KIRREL3: variants seen among roughly 807,000 people sequenced by gnomAD.
KIRREL3 encodes kin of IRRE-like protein 3.
KIRREL3 carries 36 observed loss-of-function variants against 89.7 expected under a neutral mutation model. The ratio of observed to expected loss-of-function variants is 0.40; its 90% confidence interval spans 0.31 to 0.53. The LOEUF (loss-of-function observed/expected upper bound fraction) is 0.53, where lower values mean the gene tolerates loss of function less well. KIRREL3 is among the 20% of genes least tolerant of loss of function. The pLI is 0.49. For synonymous variants in KIRREL3, 445 were observed against 441.4 expected (o/e 1.01, Z -0.10); for missense variants, 864 against 1,056.6 (o/e 0.82, Z 2.53).
chr11:126,551,572 A>G lies in KIRREL3; in HGVS notation c.133+11263T>C, dbSNP rs1939264455. On this transcript the variant is annotated intron_variant, in intron 2 of 16. Coordinates refer to ENST00000525144, the MANE Select transcript of KIRREL3 (RefSeq NM_032531.4). This position sits in a 1 kb window ranked among gnomAD's most constrained non-coding sequence, Gnocchi z 4.9. ...CACTGATCCCTTACAGCAAAAGAAT[A>G]TATATGATCATTTAACAATTAGTCC... is the stretch of plus-strand genomic sequence containing the variant. Among the ~76,000 whole-genome samples the G allele has an allele frequency of 6.6e-6, 1 of 151,878 alleles. No individual in the cohort carries two copies. The highest frequency in any genetic ancestry group is 2.1e-4 in the South Asian group (1 of 4,814).
chr11:126,483,116 T>C (rs1957265819), intron 4 of KIRREL3, among the ~76,000 whole-genome samples: 1 of 152,196 alleles, frequency 6.6e-6, no homozygotes, highest in Admixed American at 6.5e-5. Context: ...TCCAGAGGGA[T>C]CCTGCCCTAT....
Position 126,932,360 on chromosome 11 carries a change from G to A in KIRREL3, c.55+68095C>T, listed in dbSNP as rs116577894. On this transcript the variant is annotated intron_variant, in intron 1 of 16. Transcript: ENST00000525144. ...GTGTCTTTACGGAGGTTTTCGGCCC[G>A]CACAGAAAGGGCAAAGCTCAATGCA... Among the ~76,000 whole-genome samples, 518 of 152,020 alleles carry A rather than the reference G, an allele frequency of 3.4e-3. 2 individuals are homozygous for A. The highest frequency in any genetic ancestry group is 8.4e-3 in the African/African-American group (349 of 41,466).
intron 1 of KIRREL3, among the ~76,000 whole-genome samples, chr11:126,829,403 G>C (rs1352126327): frequency 2.0e-5 from 3 of 152,204 alleles, no homozygotes; most frequent in Admixed American, 6.5e-5. Flanking sequence ...ATCAATCCTA[G>C]TTGGTTAAAA....
chr11:126,522,314 T>C lies in KIRREL3; in HGVS notation c.284-850A>G, dbSNP rs2134432784. Reference sequence around the variant, plus strand: ...AGAGAGAAGGAAGGAAAAAGAGAAATGTTTGGAAAAGGATCAAGAGTGACT... The same window carrying C: ...AGAGAGAAGGAAGGAAAAAGAGAAACGTTTGGAAAAGGATCAAGAGTGACT... On this transcript the variant is annotated intron_variant, in intron 3 of 16. Transcript: ENST00000525144. The surrounding 1 kb of genome is among the most constrained non-coding windows in gnomAD (Gnocchi z 6.0). 6.6e-6 allele frequency among the ~76,000 whole-genome samples: 1 copy of C among 152,040 alleles called. No individual in the cohort carries two copies. The highest frequency in any genetic ancestry group is 1.5e-5 in the Non-Finnish European group (1 of 67,986).
chr11:126,851,306 AG>A (rs1944331715), intron 1 of KIRREL3, among the ~76,000 whole-genome samples: 1 of 152,238 alleles, frequency 6.6e-6, no homozygotes, highest in Non-Finnish European at 1.5e-5. Flanking sequence ...ACCAGAGGTC[AG>A]AGCATCACTT....
Position 126,977,189 on chromosome 11 carries a change from G to T in KIRREL3, c.55+23266C>A, listed in dbSNP as rs150189605. Among the ~76,000 whole-genome samples the T allele has an allele frequency of 2.4e-3, 365 of 151,902 alleles. 1 individual carries two copies. Among genetic ancestry groups the T allele is most frequent in the African/African-American group, 8.5e-3 (352 of 41,418 alleles). The stretch of plus-strand genomic sequence containing the variant: ...TGTTACAGGCTCCTGCACCTCTTTT[G>T]TCCTCTTCTTCTGCCAGGTGCCCCG... On this transcript the variant is annotated intron_variant, in intron 1 of 16. Coordinates refer to ENST00000525144, the MANE Select transcript of KIRREL3 (RefSeq NM_032531.4). The surrounding 1 kb of genome is among the most constrained non-coding windows in gnomAD (Gnocchi z 4.7).
rs745777812 is a variant in KIRREL3 at position 126,496,734 on chromosome 11, G to T, written c.434-23268C>A. Reference sequence around the variant, plus strand: ...CAGAAGCGCTCAGAAATGTTGGAGGGCCTGCGTGCGAACTCAAGGCCTGAG... The same window carrying T: ...CAGAAGCGCTCAGAAATGTTGGAGGTCCTGCGTGCGAACTCAAGGCCTGAG... On this transcript the variant is annotated intron_variant, in intron 4 of 16. Transcript: ENST00000525144. The surrounding 1 kb of genome is among the most constrained non-coding windows in gnomAD (Gnocchi z 4.9). 6.6e-5 allele frequency among the ~76,000 whole-genome samples: 10 copies of T among 152,068 alleles called. No homozygotes were observed. Among genetic ancestry groups the T allele is most frequent in the Non-Finnish European group, 1.3e-4 (9 of 68,018 alleles).
intron 1 of KIRREL3, among the ~76,000 whole-genome samples, chr11:126,692,888 C>T (rs1266816825): frequency 6.6e-6 from 1 of 152,216 alleles, no homozygotes; most frequent in Admixed American, 6.5e-5. Flanking sequence ...GCAGCTCTTC[C>T]CACCAACAGG....
chr11:126,994,981 C>T lies in KIRREL3; in HGVS notation c.55+5474G>A, dbSNP rs746795391. The stretch of plus-strand genomic sequence containing the variant: ...ACTTTCTCTTGGGAAAAGAAAATGA[C>T]ATGCAATGACGTATGGAACAGTACT... On this transcript the variant is annotated intron_variant, in intron 1 of 16. Transcript: ENST00000525144. This position sits in a 1 kb window ranked among gnomAD's most constrained non-coding sequence, Gnocchi z 5.2. The T allele has an allele frequency of 5.8e-6, 2 of 343,810 alleles. No individual in the cohort carries two copies. Among genetic ancestry groups the T allele is most frequent in the Non-Finnish European group, 1.1e-5 (2 of 174,432 alleles). 21.3% of individuals were successfully genotyped at this position (343,810 alleles called of 1,614,324 possible). A position where few individuals can be genotyped will look rare whatever the true frequency, so the allele number is the denominator to read the frequency against.
At position 126,994,504 on chromosome 11, in the gene KIRREL3, A is replaced by C. The variant is rs1458332231; in HGVS notation, c.55+5951T>G. ...AGTGGTGTTGACTGTGTACGCACTG[A>C]AACATTGTATGCTTATGGAAGACAT... On this transcript the variant is annotated intron_variant, in intron 1 of 16. Coordinates refer to ENST00000525144, the MANE Select transcript of KIRREL3 (RefSeq NM_032531.4). This position sits in a 1 kb window ranked among gnomAD's most constrained non-coding sequence, Gnocchi z 5.2. Among the ~76,000 whole-genome samples, 1 of 152,228 alleles carries C rather than the reference A, an allele frequency of 6.6e-6. No homozygotes were observed. Among genetic ancestry groups the C allele is most frequent in the Non-Finnish European group, 1.5e-5 (1 of 68,040 alleles).
At chr11:126,438,104 C>T (rs537991780) in intron 11 of KIRREL3, among the ~76,000 whole-genome samples, 21 of 152,366 alleles carry the variant, frequency 1.4e-4, no homozygotes, top group Admixed American at 1.1e-3. Context: ...AAGTGGGTGC[C>T]CTGTTGGCCT....
intron 1 of KIRREL3, among the ~76,000 whole-genome samples, chr11:126,832,084 T>C (rs1451922479): frequency 6.6e-6 from 1 of 152,206 alleles, no homozygotes; most frequent in East Asian, 1.9e-4. Context: ...ATTTCTGCCT[T>C]TACACTTTTA....
At position 126,477,224 on chromosome 11, in the gene KIRREL3, C is replaced by T. The variant is rs981390417; in HGVS notation, c.434-3758G>A. ...AAACACATCATCGCGGGATGCTGAGCTCTTTACAGTTTACTCTCCCATTGG... is the reference window on the plus strand; with the variant it reads ...AAACACATCATCGCGGGATGCTGAGTTCTTTACAGTTTACTCTCCCATTGG... On this transcript the variant is annotated intron_variant, in intron 4 of 16. Coordinates refer to ENST00000525144, the MANE Select transcript of KIRREL3 (RefSeq NM_032531.4). This position sits in a 1 kb window ranked among gnomAD's most constrained non-coding sequence, Gnocchi z 4.8. Among the ~76,000 whole-genome samples, 3 of 152,240 alleles carry T rather than the reference C, an allele frequency of 2.0e-5. No individual in the cohort carries two copies. The highest frequency in any genetic ancestry group is 6.3e-3 in the Middle Eastern group (2 of 316).
In KIRREL3 at chr11:126,981,675, G is replaced by C. The variant is rs991062495; in HGVS notation, c.55+18780C>G. On this transcript the variant is annotated intron_variant, in intron 1 of 16. Coordinates refer to ENST00000525144, the MANE Select transcript of KIRREL3 (RefSeq NM_032531.4). The surrounding 1 kb of genome is among the most constrained non-coding windows in gnomAD (Gnocchi z 4.2). ...GGAGGTCTCAGCCACACATGCTCAGGGGGCTTTTATCAATGCACCCCCATC... is the reference window on the plus strand; with the variant it reads ...GGAGGTCTCAGCCACACATGCTCAGCGGGCTTTTATCAATGCACCCCCATC... 6.6e-6 allele frequency among the ~76,000 whole-genome samples: 1 copy of C among 152,180 alleles called. No homozygotes were observed. The highest frequency in any genetic ancestry group is 2.1e-4 in the South Asian group (1 of 4,830).
intron 1 of KIRREL3, among the ~76,000 whole-genome samples, chr11:126,937,715 C>A (rs185700471): frequency 2.0e-5 from 3 of 151,878 alleles, no homozygotes; most frequent in African/African-American, 4.8e-5. Context: ...CTGGCTAACA[C>A]AGTGAAACCC....
At chr11:126,911,563 G>A (rs1050935955) in intron 1 of KIRREL3, among the ~76,000 whole-genome samples, 1 of 152,090 alleles carries the variant, frequency 6.6e-6, no homozygotes, top group Non-Finnish European at 1.5e-5. Context: ...CTCTCTCCCC[G>A]CAGCAGTAAT....
intron 1 of KIRREL3, among the ~76,000 whole-genome samples, chr11:126,966,108 T>C (rs1456836897): frequency 3.3e-5 from 5 of 152,180 alleles, no homozygotes; most frequent in Non-Finnish European, 7.3e-5. Flanking sequence ...CCCAAGCTGC[T>C]TAGATACCTC....
At position 126,860,531 on chromosome 11, in the gene KIRREL3, T is replaced by C. The variant is rs2134611405; in HGVS notation, c.55+139924A>G. 1.3e-5 allele frequency among the ~76,000 whole-genome samples: 2 copies of C among 152,272 alleles called. No individual in the cohort carries two copies. Among genetic ancestry groups the C allele is most frequent in the East Asian group, 3.9e-4 (2 of 5,174 alleles). ...CATGACCTTCTCAAGACGTAGTGAT[T>C]GCTCTGGGTGTGGCCAGGCAGCAGG... On this transcript the variant is annotated intron_variant, in intron 1 of 16. Coordinates refer to ENST00000525144, the MANE Select transcript of KIRREL3 (RefSeq NM_032531.4). The surrounding 1 kb of genome is among the most constrained non-coding windows in gnomAD (Gnocchi z 4.6).
chr11:126,569,100 T>C lies in KIRREL3; in HGVS notation c.56-6188A>G, dbSNP rs911184187. Among the ~76,000 whole-genome samples, 4 of 151,680 alleles carry C rather than the reference T, an allele frequency of 2.6e-5. No individual in the cohort carries two copies. The highest frequency in any genetic ancestry group is 5.9e-5 in the Non-Finnish European group (4 of 67,958). ...CAGTGGTGCTAAGTGACAGAGTGGGTCAAGCAGAGGAAGAGGGCAAGGATG... is the reference window on the plus strand; with the variant it reads ...CAGTGGTGCTAAGTGACAGAGTGGGCCAAGCAGAGGAAGAGGGCAAGGATG... On this transcript the variant is annotated intron_variant, in intron 1 of 16. Coordinates refer to ENST00000525144, the MANE Select transcript of KIRREL3 (RefSeq NM_032531.4). This position sits in a 1 kb window ranked among gnomAD's most constrained non-coding sequence, Gnocchi z 6.5.
Sources: allele counts gnomAD v4.1 joint callset (sites outside exome capture counted in the v4.1 genomes callset), GRCh38; gene constraint gnomAD v4.1.1; non-coding constraint Gnocchi (gnomAD v3.1); transcripts MANE v1.5; gene names NCBI Gene and HGNC (gene_info 2026-07-23, HGNC 2026-07-21).